The following LIN37 variants were observed in gnomAD, a reference collection of about 807,000 sequenced individuals.
The protein encoded by LIN37 is protein lin-37 homolog.
A neutral mutation model predicts 38.0 loss-of-function variants in LIN37; 21 were observed. The ratio of observed to expected loss-of-function variants is 0.55; its 90% CI spans 0.39 to 0.80. The LOEUF (loss-of-function observed/expected upper bound fraction) is 0.80. Among genes scored for constraint, LIN37 ranks in the 30% least tolerant of loss-of-function variants. The pLI is 0.00. For synonymous variants in LIN37, 126 were observed against 122.9 expected (o/e 1.03, Z -0.17); for missense variants, 273 against 338.5 (o/e 0.81, Z 1.52).
At chr19:35,753,454 C>G (rs1970709340) in intron 6 of LIN37, 2 of 679,048 alleles carry the variant, frequency 2.9e-6, no homozygotes, top group Non-Finnish European at 5.2e-6. Context: ...ACGTAACCAC[C>G]TGGCCTGGGA....
intron 2 of LIN37, 37 bp downstream of exon 2, chr19:35,752,288 G>A (rs765654448): frequency 5.2e-5 from 83 of 1,592,038 alleles, no homozygotes; most frequent in Middle Eastern, 1.7e-4. Context: ...GGGCACCCTG[G>A]TGGGTTGGGC....
Position 35,754,095 on chromosome 19 carries a change from G to A in LIN37, c.523G>A (p.Ala175Thr). 6.2e-7 allele frequency: 1 copy of A among 1,613,992 alleles called. No homozygotes were observed. Among genetic ancestry groups the A allele is most frequent in the Non-Finnish European group, 8.5e-7 (1 of 1,179,882 alleles). ...PPTPPGPPGDACRSRIPSPLQ... is the reference protein window; with the variant it reads ...PPTPPGPPGDTCRSRIPSPLQ... The stretch of plus-strand genomic sequence containing the variant: ...CACACCCCCGGGGCCACCCGGAGAT[G>A]CCTGCAGATCCCGCATCCCATCTCC... The change falls in exon 7 of 9, where the codon GCC (alanine) becomes ACC (threonine). Residue 175 changes from alanine to threonine, a missense_variant. Physicochemically the swap from Ala to Thr is moderately conservative, Grantham distance 58. Coordinates refer to ENST00000301159, the MANE Select transcript of LIN37 (RefSeq NM_019104.3).
rs934686278 is a variant in LIN37 at position 35,749,916 on chromosome 19, G to T, written c.34+1158G>T. 2.0e-5 allele frequency among the ~76,000 whole-genome samples: 3 copies of T among 152,248 alleles called. No individual in the cohort carries two copies. The East Asian group carries it at 5.8e-4, about 29-fold the overall frequency. On this transcript the variant is annotated intron_variant, in intron 1 of 8. Transcript: ENST00000301159. The stretch of plus-strand genomic sequence containing the variant: ...ACCTGTGAGTGCCAGGCTGAGGAGT[G>T]CAGACTCCACCCCTGGGTGCTGTGG...
At chr19:35,750,526 G>A (rs1970666586) in intron 1 of LIN37, among the ~76,000 whole-genome samples, 1 of 152,206 alleles carries the variant, frequency 6.6e-6, no homozygotes, top group Non-Finnish European at 1.5e-5. Flanking sequence ...ACCTCTCAAA[G>A]GTAGGAGGAC....
intron 2 of LIN37, 78 bp downstream of exon 2, chr19:35,752,329 C>T (rs1419309961): frequency 1.3e-6 from 2 of 1,576,426 alleles, no homozygotes; most frequent in Non-Finnish European, 1.7e-6. Context: ...GGGTGGGACC[C>T]CACAGGCTGA....
At chr19:35,750,758 G>A (rs111677082) in intron 1 of LIN37, among the ~76,000 whole-genome samples, 2 of 152,020 alleles carry the variant, frequency 1.3e-5, no homozygotes, top group African/African-American at 4.8e-5. Context: ...TCAGGAGTTT[G>A]AGATCAGCCT....
chr19:35,749,955 T>G (rs771753736), intron 1 of LIN37, among the ~76,000 whole-genome samples: 4 of 152,030 alleles, frequency 2.6e-5, no homozygotes, highest in African/African-American at 4.8e-5. Context: ...CATGGAAGTT[T>G]CCAAGCAAGG....
chr19:35,752,136 G>A (rs1292083435), intron 1 of LIN37, 40 bp from the exon 2 acceptor site: 11 of 1,507,894 alleles, frequency 7.3e-6, no homozygotes, highest in Non-Finnish European at 1.0e-5. Context: ...CCTAGCTGGG[G>A]CCTGGGAGCT....
At chr19:35,752,138 C>G in intron 1 of LIN37, 38 bp from the exon 2 acceptor site, 2 of 1,520,104 alleles carry the variant, frequency 1.3e-6, no homozygotes, top group South Asian at 2.4e-5. Context: ...TAGCTGGGGC[C>G]TGGGAGCTGA....
rs1970633799 is a variant in LIN37 at position 35,748,631 on chromosome 19, C to T, written c.-94C>T. 16 of 1,572,628 alleles carry T rather than the reference C, an allele frequency of 1.0e-5. No individual in the cohort carries two copies. Among genetic ancestry groups the T allele is most frequent in the Admixed American group, 3.3e-5 (2 of 59,916 alleles). On this transcript the variant is annotated 5_prime_UTR_variant, in exon 1 of 9. Transcript: ENST00000301159. ...AGGACCCGTGGCCCACGAAGCTCAT[C>T]TTTGAACTGTCCCCGCCTTCTCCCG... is the stretch of plus-strand genomic sequence containing the variant.
chr19:35,754,330 C>G lies in LIN37; in HGVS notation c.659+11C>G. 1 of 1,614,070 alleles carries G rather than the reference C, an allele frequency of 6.2e-7. No individual in the cohort carries two copies. The highest frequency in any genetic ancestry group is 8.5e-7 in the Non-Finnish European group (1 of 1,179,900). Reference sequence around the variant, plus strand: ...ACGCATCCGCCAGAGGTGAGCGTCCCCCAGCCTGCTTGCCCCTCGTAGGGC... The same window carrying G: ...ACGCATCCGCCAGAGGTGAGCGTCCGCCAGCCTGCTTGCCCCTCGTAGGGC... On this transcript the variant is annotated intron_variant, in intron 8 of 8. Transcript: ENST00000301159.
chr19:35,752,853 G>T lies in LIN37; in HGVS notation c.191+20G>T, dbSNP rs200196794. The T allele has an allele frequency of 1.2e-6, 2 of 1,604,048 alleles. No individual in the cohort carries two copies. The highest frequency in any genetic ancestry group is 1.7e-6 in the Non-Finnish European group (2 of 1,175,302). ...CAAAAGGTAAGGTGGCAGGGTCCCA[G>T]CCAGCTGACTAGAGGCTCCCAGCTC... On this transcript the variant is annotated intron_variant, in intron 4 of 8. Coordinates refer to ENST00000301159, the MANE Select transcript of LIN37 (RefSeq NM_019104.3).
intron 1 of LIN37, 153 bp from the exon 2 acceptor site, chr19:35,752,023 G>A (rs1219174615): frequency 2.6e-5 from 16 of 609,958 alleles, no homozygotes; most frequent in Non-Finnish European, 3.2e-5. Flanking sequence ...CATCACTCCA[G>A]CCATCTCTGC....
intron 1 of LIN37, chr19:35,749,058 T>TA: frequency 2.0e-6 from 2 of 1,019,694 alleles, no homozygotes; most frequent in Non-Finnish European, 2.5e-6. Context: ...TTAATTTAAA[T>TA]TTTTAAAATA....
chr19:35,752,760 T>C (rs756120173), intron 3 of LIN37, 44 bp from the exon 4 acceptor site: 6 of 1,601,694 alleles, frequency 3.7e-6, no homozygotes, highest in Non-Finnish European at 5.1e-6. Context: ...TCTGCAGGGT[T>C]TTGCACAGGC....
At position 35,752,180 on chromosome 19, in the gene LIN37, G is replaced by A; in HGVS notation, c.39G>A (p.Leu13=). Reference sequence around the variant, plus strand: ...CTGGGTCCTCTCTTGCCCCAGAGCTGGAGATGGCCAAAGCCCGGAACCAAC... The same window carrying A: ...CTGGGTCCTCTCTTGCCCCAGAGCTAGAGATGGCCAAAGCCCGGAACCAAC... ...PVKVKVEKSE[L]EMAKARNQLD... is the part of the protein sequence containing the mutation. Residue 13 remains leucine (L), a synonymous_variant, in exon 2 of 9, where the codon CTG becomes CTA. Coordinates refer to ENST00000301159, the MANE Select transcript of LIN37 (RefSeq NM_019104.3). 1 of 1,598,242 alleles carries A rather than the reference G, an allele frequency of 6.3e-7. No homozygotes were observed. Among genetic ancestry groups the A allele is most frequent in the Non-Finnish European group, 8.5e-7 (1 of 1,172,676 alleles).
chr19:35,753,825 G>T (rs1295846447), intron 6 of LIN37, 192 bp from the exon 7 acceptor site: 21 of 621,122 alleles, frequency 3.4e-5, no homozygotes, highest in Non-Finnish European at 5.3e-5. Flanking sequence ...AGAAGACAGG[G>T]GTCCCTGGGG....
chr19:35,749,155 A>G (rs909025836), intron 1 of LIN37: 12 of 303,124 alleles, frequency 4.0e-5, no homozygotes, highest in Non-Finnish European at 5.2e-5. Flanking sequence ...AGCCTCCCAA[A>G]GTGCTGAGAT....
chr19:35,754,515 C>G lies in LIN37; in HGVS notation c.*41C>G. Reference sequence around the variant, plus strand: ...CCACACCAGTAAACATCCCCCAGCTCCACACTGGTGTCTGCTCCGGTCCCT... The same window carrying G: ...CCACACCAGTAAACATCCCCCAGCTGCACACTGGTGTCTGCTCCGGTCCCT... On this transcript the variant is annotated 3_prime_UTR_variant, in exon 9 of 9. Transcript: ENST00000301159. 1 of 1,569,778 alleles carries G rather than the reference C, an allele frequency of 6.4e-7. No homozygotes were observed. Among genetic ancestry groups the G allele is most frequent in the South Asian group, 1.1e-5 (1 of 90,064 alleles).
Sources: allele counts gnomAD v4.1 joint callset (sites outside exome capture counted in the v4.1 genomes callset), GRCh38; gene constraint gnomAD v4.1.1; transcripts MANE v1.5; gene names NCBI Gene and HGNC (gene_info 2026-07-23, HGNC 2026-07-21).